Variants in ARMH4 observed in about 807,000 individuals in gnomAD.
ARMH4 encodes armadillo-like helical domain-containing protein 4.
A neutral mutation model predicts 61.9 loss-of-function variants in ARMH4; 49 were observed. The ratio of observed to expected loss-of-function variants is 0.79; its 90% CI spans 0.63 to 1.00. The LOEUF is 1.00. Ranked by LOEUF, ARMH4 falls within the 50% of genes least tolerant of loss-of-function variation. The probability of loss-of-function intolerance (pLI) is 0.00; values close to 1 mark genes in which losing one functional copy is unlikely to be tolerated. For synonymous variants in ARMH4, 368 were observed against 341.5 expected, an observed-to-expected ratio of 1.08 and a Z score of -0.85; for missense variants, 934 against 930.0, an observed-to-expected ratio of 1.00 and a Z score of -0.06.
At chr14:58,096,444 A>G (rs1050827893) in intron 5 of ARMH4, among the ~76,000 whole-genome samples, 2 of 152,194 alleles carry the variant, frequency 1.3e-5, no homozygotes, top group African/African-American at 4.8e-5. Context: ...AGGCAACTGT[A>G]CTCATAATAG....
chr14:58,081,872 T>C (rs1460885081), intron 5 of ARMH4, among the ~76,000 whole-genome samples: 1 of 152,140 alleles, frequency 6.6e-6, no homozygotes, highest in African/African-American at 2.4e-5. Flanking sequence ...TTGGGATTTT[T>C]TTCTTTCTTA....
chr14:58,059,235 A>G (rs1243679277), intron 5 of ARMH4, among the ~76,000 whole-genome samples: 1 of 152,248 alleles, frequency 6.6e-6, no homozygotes, highest in East Asian at 1.9e-4. Context: ...CTTCAGAAAC[A>G]GGAGAAGCCT....
In ARMH4 at chr14:58,003,405, G is replaced by C. The variant is rs978062194; in HGVS notation, c.*1331C>G. The stretch of plus-strand genomic sequence containing the variant: ...TCCTACCTCACATAGTAGCTCTGAG[G>C]AATAACTGTGCAACTTTTCTTGAAC... On this transcript the variant is annotated 3_prime_UTR_variant, in exon 8 of 8. Transcript: ENST00000267485. 1.3e-5 allele frequency: 2 copies of C among 152,164 alleles called. No homozygotes were observed. The highest frequency in any genetic ancestry group is 2.9e-5 in the Non-Finnish European group (2 of 68,036). The allele number at this position is 152,164 out of a possible 1,614,324, so 9.4% of individuals were successfully genotyped here.
chr14:58,087,882 A>G (rs1169031056), intron 5 of ARMH4, among the ~76,000 whole-genome samples: 2 of 152,234 alleles, frequency 1.3e-5, no homozygotes, highest in Non-Finnish European at 2.9e-5. Context: ...TCTCGTGAAC[A>G]TAAAAATAAA....
At chr14:58,078,859 C>T (rs1885132004) in intron 5 of ARMH4, among the ~76,000 whole-genome samples, 1 of 152,238 alleles carries the variant, frequency 6.6e-6, no homozygotes, top group South Asian at 2.1e-4. Context: ...AATGTAGTTC[C>T]ATTTTCTTGC....
chr14:58,087,480 G>T (rs1027572375), intron 5 of ARMH4, among the ~76,000 whole-genome samples: 4 of 152,126 alleles, frequency 2.6e-5, no homozygotes, highest in African/African-American at 9.7e-5. Flanking sequence ...TATTTTATGG[G>T]TTTCCTTCAT....
intron 1 of ARMH4, chr14:58,141,306 G>A (rs1177864265): frequency 5.4e-5 from 22 of 410,338 alleles, no homozygotes; most frequent in African/African-American, 1.3e-4. Context: ...AGACCCTCAC[G>A]GGCAAGACCA....
rs900905727 is a variant in ARMH4 at position 58,003,319 on chromosome 14, A to C, written c.*1417T>G. 7.2e-5 allele frequency: 11 copies of C among 152,212 alleles called. No homozygotes were observed. Among genetic ancestry groups the C allele is most frequent in the African/African-American group, 2.7e-4 (11 of 41,434 alleles). The allele number at this position is 152,212 out of a possible 1,614,324, so 9.4% of individuals were successfully genotyped here. A position where few individuals can be genotyped will look rare whatever the true frequency, so the allele number is the denominator to read the frequency against. ...ATTCTCTCTGGGTACAACTTTGGAAAATCATTTCACTTCTCTGCTTCAGTT... is the reference window on the plus strand; with the variant it reads ...ATTCTCTCTGGGTACAACTTTGGAACATCATTTCACTTCTCTGCTTCAGTT... On this transcript the variant is annotated 3_prime_UTR_variant, in exon 8 of 8. Coordinates refer to ENST00000267485, the MANE Select transcript of ARMH4 (RefSeq NM_001001872.4).
At chr14:58,042,224 A>G (rs1883744590) in intron 5 of ARMH4, among the ~76,000 whole-genome samples, 1 of 152,216 alleles carries the variant, frequency 6.6e-6, no homozygotes, top group Non-Finnish European at 1.5e-5. Context: ...GCAAATGTAA[A>G]AGGACAGAAA....
chr14:58,114,338 T>TCAC (rs1873271255), intron 4 of ARMH4, among the ~76,000 whole-genome samples: 1 of 152,180 alleles, frequency 6.6e-6, no homozygotes, highest in African/African-American at 2.4e-5. Context: ...AACAATGATA[T>TCAC]CACTACTTGT....
intron 5 of ARMH4, among the ~76,000 whole-genome samples, chr14:58,076,557 T>C (rs1885055661): frequency 6.6e-6 from 1 of 152,008 alleles, no homozygotes; most frequent in Admixed American, 6.5e-5. Context: ...CCCATATTCT[T>C]AGGGAAAATA....
intron 5 of ARMH4, among the ~76,000 whole-genome samples, chr14:58,090,696 T>C (rs1421263413): frequency 6.0e-5 from 9 of 151,232 alleles, no homozygotes; most frequent in Non-Finnish European, 1.3e-4. Flanking sequence ...CTAGTCAATA[T>C]GGTGAAACCC....
At chr14:58,091,387 T>C (rs954794759) in intron 5 of ARMH4, among the ~76,000 whole-genome samples, 2 of 152,198 alleles carry the variant, frequency 1.3e-5, no homozygotes, top group Non-Finnish European at 2.9e-5. Flanking sequence ...GAAAAACTTG[T>C]GTCACTCCTG....
At chr14:58,140,262 C>G (rs1001922174) in intron 1 of ARMH4, among the ~76,000 whole-genome samples, 16 of 122,506 alleles carry the variant, frequency 1.3e-4, no homozygotes, top group African/African-American at 5.4e-4. Flanking sequence ...GCAACAAGAG[C>G]AAAACTCCAT....
intron 5 of ARMH4, among the ~76,000 whole-genome samples, chr14:58,042,390 T>C (rs989313095): frequency 6.6e-6 from 1 of 152,202 alleles, no homozygotes; most frequent in African/African-American, 2.4e-5. Flanking sequence ...AAAGATGTTC[T>C]TTAAAACCAA....
chr14:58,022,136 T>A (rs1210705284), intron 5 of ARMH4, among the ~76,000 whole-genome samples: 1 of 152,164 alleles, frequency 6.6e-6, no homozygotes, highest in Non-Finnish European at 1.5e-5. Flanking sequence ...TCTTTTTCCT[T>A]GCCTTTTCCA....
chr14:58,145,604 T>C (rs1391074167), intron 1 of ARMH4, among the ~76,000 whole-genome samples: 1 of 152,230 alleles, frequency 6.6e-6, no homozygotes, highest in Admixed American at 6.5e-5. Context: ...TTCATCTGTA[T>C]CTTGGGTTTT....
At chr14:58,108,865 TTTC>T (rs1314373368) in intron 4 of ARMH4, among the ~76,000 whole-genome samples, 30 of 152,228 alleles carry the variant, frequency 2.0e-4, no homozygotes, top group African/African-American at 6.8e-4. Flanking sequence ...CTGTCAAACA[TTTC>T]TTTTCAATCC....
intron 4 of ARMH4, among the ~76,000 whole-genome samples, chr14:58,116,835 T>C (rs1321799191): frequency 6.6e-6 from 1 of 152,156 alleles, no homozygotes; most frequent in Non-Finnish European, 1.5e-5. Context: ...CCACAACAAC[T>C]CCTTTTCAGC....
Sources: gnomAD v4.1 joint callset for allele counts (sites outside exome capture counted in the v4.1 genomes callset) on GRCh38, gnomAD v4.1.1 for gene constraint, MANE v1.5 for transcripts, NCBI Gene and HGNC (gene_info 2026-07-23, HGNC 2026-07-21) for gene names.